Variants in SEC61A2 observed in about 807,000 individuals in gnomAD.
SEC61A2 encodes the protein protein transport protein Sec61 subunit alpha isoform 2.
SEC61A2 carries 28 observed loss-of-function variants against 59.9 expected under a neutral mutation model. That is an observed-to-expected ratio of 0.47 (90% confidence interval 0.35 to 0.64). The LOEUF (loss-of-function observed/expected upper bound fraction) is 0.64, where lower values mean the gene tolerates loss of function less well. Among genes scored for constraint, SEC61A2 ranks in the 30% least tolerant of loss-of-function variants. SEC61A2 has a pLI of 0.01. For synonymous variants in SEC61A2, 202 were observed against 214.4 expected, an observed-to-expected ratio of 0.94 and a Z score of 0.50; for missense variants, 340 against 585.9, an observed-to-expected ratio of 0.58 and a Z score of 4.33.
At chr10:12,134,029 C>T (rs1301448687) in intron 2 of SEC61A2, among the ~76,000 whole-genome samples, 6 of 152,120 alleles carry the variant, frequency 3.9e-5, no homozygotes, top group East Asian at 3.8e-4. Flanking sequence ...ATTTTTGAGA[C>T]GGAGTCTCGC....
In SEC61A2 at chr10:12,147,036, G is replaced by A. The variant is rs368953061; in HGVS notation, c.221-2559G>A. Among the ~76,000 whole-genome samples the A allele has an allele frequency of 7.2e-5, 11 of 152,126 alleles. No homozygotes were observed. In the East Asian group the frequency reaches 1.7e-3, roughly 24 times the overall value. On this transcript the variant is annotated intron_variant, in intron 4 of 11. Transcript: ENST00000298428. ...CTCCCATGTAGCTGGGACCACAACC[G>A]GGCACCACCATGTCTGACTAGTATT...
Position 12,149,575 on chromosome 10 carries a change from TCTCTC to T in SEC61A2, c.221-18_221-14del. ...TCGTGTACAGCAAACATTGCACACTTCTCTCCCCTTCCTTTCCAGGAACTTTAATG... is the reference window on the plus strand; with the variant it reads ...TCGTGTACAGCAAACATTGCACACTTCCCTTCCTTTCCAGGAACTTTAATG... On this transcript the variant is annotated splice_polypyrimidine_tract_variant and intron_variant, in intron 4 of 11. Coordinates refer to ENST00000298428, the MANE Select transcript of SEC61A2 (RefSeq NM_018144.4). The surrounding 1 kb of genome is among the most constrained non-coding windows in gnomAD (Gnocchi z 5.2). The T allele has an allele frequency of 6.3e-7, 1 of 1,591,510 alleles. No individual in the cohort carries two copies. The highest frequency in any genetic ancestry group is 8.5e-7 in the Non-Finnish European group (1 of 1,170,464).
rs1834346388 is a variant in SEC61A2 at position 12,154,293 on chromosome 10, T to G, written c.463-1485T>G. 6.6e-6 allele frequency among the ~76,000 whole-genome samples: 1 copy of G among 152,190 alleles called. No individual in the cohort carries two copies. Among genetic ancestry groups the G allele is most frequent in the Admixed American group, 6.5e-5 (1 of 15,276 alleles). Reference sequence around the variant, plus strand: ...TTCCTCCCTTTGGAAAAACCCAAGTTTAATTTTCACAGGACATATGTGAAC... The same window carrying G: ...TTCCTCCCTTTGGAAAAACCCAAGTGTAATTTTCACAGGACATATGTGAAC... On this transcript the variant is annotated intron_variant, in intron 6 of 11. Coordinates refer to ENST00000298428, the MANE Select transcript of SEC61A2 (RefSeq NM_018144.4). The surrounding 1 kb of genome is among the most constrained non-coding windows in gnomAD (Gnocchi z 5.2).
At chr10:12,165,446 T>A, downstream of SEC61A2, 2 of 816,182 alleles carry the variant, frequency 2.5e-6, no homozygotes, top group African/African-American at 1.9e-5. Flanking sequence ...AGTGTATTCA[T>A]AAGAAGTCCA....
In SEC61A2 at chr10:12,154,513, T is replaced by C. The variant is rs141020820; in HGVS notation, c.463-1265T>C. On this transcript the variant is annotated intron_variant, in intron 6 of 11. Transcript: ENST00000298428. This position sits in a 1 kb window ranked among gnomAD's most constrained non-coding sequence, Gnocchi z 5.2. ...ATGATGGGGAGTCTCTGTTCACTAA[T>C]TACATGATTGTGGTTAAATAGAATC... Among the ~76,000 whole-genome samples the C allele has an allele frequency of 4.4e-4, 67 of 152,332 alleles. No homozygotes were observed. The highest frequency in any genetic ancestry group is 1.5e-3 in the African/African-American group (63 of 41,576).
chr10:12,168,245 C>G (rs1371106029), downstream of SEC61A2, among the ~76,000 whole-genome samples: 1 of 152,042 alleles, frequency 6.6e-6, no homozygotes, highest in African/African-American at 2.4e-5. This position sits in a 1 kb window ranked among gnomAD's most constrained non-coding sequence, Gnocchi z 4.8. Flanking sequence ...AGGATGGTTT[C>G]GATCTCCTGA....
At position 12,156,054 on chromosome 10, in the gene SEC61A2, G is replaced by C; in HGVS notation, c.616+123G>C. 1 of 934,486 alleles carries C rather than the reference G, an allele frequency of 1.1e-6. No homozygotes were observed. Among genetic ancestry groups the C allele is most frequent in the Non-Finnish European group, 1.6e-6 (1 of 606,260 alleles). The allele number at this position is 934,486 out of a possible 1,614,324, so 57.9% of individuals were successfully genotyped here. A position where few individuals can be genotyped will look rare whatever the true frequency, so the allele number is the denominator to read the frequency against. ...TGCTCTCCTAGGGGATAAGGAATGC[G>C]AATTCTTCAAAACTTAATGAGCAGA... On this transcript the variant is annotated intron_variant, in intron 7 of 11. Coordinates refer to ENST00000298428, the MANE Select transcript of SEC61A2 (RefSeq NM_018144.4). This position sits in a 1 kb window ranked among gnomAD's most constrained non-coding sequence, Gnocchi z 5.2.
chr10:12,156,200 A>G lies in SEC61A2; in HGVS notation c.616+269A>G, dbSNP rs1214667148. ...AAATTTCTTTTGTTAACCTTGCTTA[A>G]GGCATTGCTGCAGAAGTCATTTATT... On this transcript the variant is annotated intron_variant, in intron 7 of 11. Transcript: ENST00000298428. The surrounding 1 kb of genome is among the most constrained non-coding windows in gnomAD (Gnocchi z 5.2). Among the ~76,000 whole-genome samples, 1 of 152,210 alleles carries G rather than the reference A, an allele frequency of 6.6e-6. No individual in the cohort carries two copies. The highest frequency in any genetic ancestry group is 1.5e-5 in the Non-Finnish European group (1 of 68,032).
At position 12,143,235 on chromosome 10, in the gene SEC61A2, C is replaced by CA. The variant is rs1834061977; in HGVS notation, c.220+43dup. 7.4e-7 allele frequency: 1 copy of CA among 1,357,456 alleles called. No homozygotes were observed. The highest frequency in any genetic ancestry group is 1.4e-5 in the African/African-American group (1 of 69,856). The allele number at this position is 1,357,456 out of a possible 1,614,324, so 84.1% of individuals were successfully genotyped here. On this transcript the variant is annotated intron_variant, in intron 4 of 11. Transcript: ENST00000298428. The surrounding 1 kb of genome is among the most constrained non-coding windows in gnomAD (Gnocchi z 4.8). ...TCTGTCTCCACACTCCTACTCACAG[C>CA]AAACAGATGGAAACATGTGGATTAG... is the stretch of plus-strand genomic sequence containing the variant.
At chr10:12,139,778 C>T (rs1475324712) in intron 3 of SEC61A2, among the ~76,000 whole-genome samples, 4 of 151,290 alleles carry the variant, frequency 2.6e-5, no homozygotes, top group Non-Finnish European at 5.9e-5. Context: ...AGCGAGACTC[C>T]GTCTCAAAAA....
At position 12,162,237 on chromosome 10, in the gene SEC61A2, C is replaced by T. The variant is rs1478927997; in HGVS notation, c.1192C>T (p.Gln398Ter). The T allele has an allele frequency of 6.2e-7, 1 of 1,609,034 alleles. No homozygotes were observed. Among genetic ancestry groups the T allele is most frequent in the Non-Finnish European group, 8.5e-7 (1 of 1,177,980 alleles). The change falls in exon 11 of 12, where the codon CAG (glutamine) becomes TAG (stop). Residue 398 changes from glutamine to a stop codon, truncating the protein, a stop_gained. Transcript: ENST00000298428. LOFTEE classifies it high-confidence loss of function. This position sits in a 1 kb window ranked among gnomAD's most constrained non-coding sequence, Gnocchi z 6.1. ...GGTAGCTAAACAGCTGAAAGAACAG[C>T]AGATGGTAATGAGGGGCCACCGAGA... ...KDVAKQLKEQQMVMRGHRDTS... is the reference protein window; with the variant it reads ...KDVAKQLKEQ
In SEC61A2 at chr10:12,143,019, C is replaced by T; in HGVS notation, c.142-98C>T. 1 of 868,620 alleles carries T rather than the reference C, an allele frequency of 1.2e-6. No homozygotes were observed. The highest frequency in any genetic ancestry group is 1.9e-6 in the Non-Finnish European group (1 of 514,972). 53.8% of individuals were successfully genotyped at this position (868,620 alleles called of 1,614,324 possible). ...CCAGGCTGGAGTGCAGTGGCGTGAT[C>T]TCAGCTCACTGCAGCCTTTGCCTCC... On this transcript the variant is annotated intron_variant, in intron 3 of 11. Coordinates refer to ENST00000298428, the MANE Select transcript of SEC61A2 (RefSeq NM_018144.4). The surrounding 1 kb of genome is among the most constrained non-coding windows in gnomAD (Gnocchi z 4.8).
rs60469535 is a variant in SEC61A2, at chr10:12,153,058, CAA to C, written c.463-2706_463-2705del. On this transcript the variant is annotated intron_variant, in intron 6 of 11. Coordinates refer to ENST00000298428, the MANE Select transcript of SEC61A2 (RefSeq NM_018144.4). This position sits in a 1 kb window ranked among gnomAD's most constrained non-coding sequence, Gnocchi z 5.2. Reference sequence around the variant, plus strand: ...TGGGCGACAGAGTGAGACTCTGTCTCAAAAAAAAAAAAAAAGATTAACTTTGT... The same window carrying C: ...TGGGCGACAGAGTGAGACTCTGTCTCAAAAAAAAAAAAAGATTAACTTTGT... Among the ~76,000 whole-genome samples the C allele has an allele frequency of 3.4e-3, 433 of 126,800 alleles. 2 individuals carry two copies. Among genetic ancestry groups the C allele is most frequent in the African/African-American group, 0.01 (345 of 33,990 alleles). The allele number at this position is 126,800 out of a possible 152,430, so 83.2% of individuals were successfully genotyped here.
At position 12,143,687 on chromosome 10, in the gene SEC61A2, C is replaced by T. The variant is rs140849126; in HGVS notation, c.220+492C>T. Among the ~76,000 whole-genome samples, 200 of 152,112 alleles carry T rather than the reference C, an allele frequency of 1.3e-3. 2 individuals are homozygous for T. The highest frequency in any genetic ancestry group is 4.3e-3 in the African/African-American group (177 of 41,486). ...GATGGAGGTTGCAGTGAACTAAGAT[C>T]GCACCACTGCAATCCAGCCTGGGTA... On this transcript the variant is annotated intron_variant, in intron 4 of 11. Coordinates refer to ENST00000298428, the MANE Select transcript of SEC61A2 (RefSeq NM_018144.4). This position sits in a 1 kb window ranked among gnomAD's most constrained non-coding sequence, Gnocchi z 4.8.
At chr10:12,148,794 G>C (rs1408842146) in intron 4 of SEC61A2, among the ~76,000 whole-genome samples, 1 of 152,196 alleles carries the variant, frequency 6.6e-6, no homozygotes, top group Non-Finnish European at 1.5e-5. Context: ...AAAGTGCTGG[G>C]ATTACAGGCG....
intron 8 of SEC61A2, among the ~76,000 whole-genome samples, 186 bp from the exon 9 acceptor site, chr10:12,157,722 C>T (rs893674670): frequency 1.3e-5 from 2 of 152,030 alleles, no homozygotes; most frequent in East Asian, 3.9e-4. Context: ...AGGATGGTCT[C>T]GATCTCCTGA....
downstream of SEC61A2, chr10:12,169,225 T>A (rs1834790645): frequency 6.9e-7 from 1 of 1,447,470 alleles, no homozygotes. The surrounding 1 kb of genome is among the most constrained non-coding windows in gnomAD (Gnocchi z 4.8). Context: ...CCACCTCCCC[T>A]CACTTATTCT....
chr10:12,164,567 G>C lies in SEC61A2; in HGVS notation c.*113G>C. ...CTCCCCTCACAGTTTCTTGTTTCGA[G>C]TGCTGACTGACCCGTTTCTGAAATG... On this transcript the variant is annotated 3_prime_UTR_variant, in exon 12 of 12. Coordinates refer to ENST00000298428, the MANE Select transcript of SEC61A2 (RefSeq NM_018144.4). This position sits in a 1 kb window ranked among gnomAD's most constrained non-coding sequence, Gnocchi z 7.3. 6.7e-7 allele frequency: 1 copy of C among 1,489,490 alleles called. No homozygotes were observed. Among genetic ancestry groups the C allele is most frequent in the Non-Finnish European group, 8.9e-7 (1 of 1,125,256 alleles). 92.3% of individuals were successfully genotyped at this position (1,489,490 alleles called of 1,614,324 possible). A position where few individuals can be genotyped will look rare whatever the true frequency, so the allele number is the denominator to read the frequency against.
At position 12,153,986 on chromosome 10, in the gene SEC61A2, A is replaced by G. The variant is rs548893172; in HGVS notation, c.463-1792A>G. 6.6e-6 allele frequency among the ~76,000 whole-genome samples: 1 copy of G among 152,374 alleles called. No individual in the cohort carries two copies. Among genetic ancestry groups the G allele is most frequent in the Admixed American group, 6.5e-5 (1 of 15,302 alleles). On this transcript the variant is annotated intron_variant, in intron 6 of 11. Coordinates refer to ENST00000298428, the MANE Select transcript of SEC61A2 (RefSeq NM_018144.4). This position sits in a 1 kb window ranked among gnomAD's most constrained non-coding sequence, Gnocchi z 5.2. ...AATATCAGTGTGCATGGCACATAAT[A>G]AAGGTAAGTATGTTTTGACATACTG... is the stretch of plus-strand genomic sequence containing the variant.
Sources: allele counts gnomAD v4.1 joint callset (sites outside exome capture counted in the v4.1 genomes callset), GRCh38; gene constraint gnomAD v4.1.1; non-coding constraint Gnocchi (gnomAD v3.1); transcripts MANE v1.5; gene names NCBI Gene and HGNC (gene_info 2026-07-23, HGNC 2026-07-21).